GPR149: variants seen among roughly 807,000 people sequenced by gnomAD.
GPR149 encodes the protein probable G protein-coupled receptor 149.
GPR149 carries 50 observed loss-of-function variants against 50.2 expected under a neutral mutation model. That is an observed-to-expected ratio of 1.00 (90% confidence interval 0.79 to 1.26). GPR149 has a LOEUF of 1.26. Among genes scored for constraint, GPR149 ranks in the 50% most tolerant of loss-of-function variants. The pLI is 0.00. For synonymous variants in GPR149, 405 were observed against 358.2 expected, an observed-to-expected ratio of 1.13 and a Z score of -1.48; for missense variants, 983 against 895.4, an observed-to-expected ratio of 1.10 and a Z score of -1.25.
intron 3 of GPR149, among the ~76,000 whole-genome samples, chr3:154,376,019 C>T (rs1046367566): frequency 6.6e-6 from 1 of 152,216 alleles, no homozygotes; most frequent in African/African-American, 2.4e-5. Flanking sequence ...CTGAATTATA[C>T]CACTGGCTTT....
chr3:154,419,134 A>G (rs962043598), intron 3 of GPR149, among the ~76,000 whole-genome samples: 2 of 152,110 alleles, frequency 1.3e-5, no homozygotes, highest in African/African-American at 2.4e-5. Context: ...TTCCTGAAAG[A>G]CTTGATCATC....
Position 154,429,298 on chromosome 3 carries a change from G to C in GPR149, c.318C>G (p.Thr106=), listed in dbSNP as rs1712416423. 1 of 1,614,020 alleles carries C rather than the reference G, an allele frequency of 6.2e-7. No individual in the cohort carries two copies. The highest frequency in any genetic ancestry group is 2.2e-5 in the East Asian group (1 of 44,874). The change falls in exon 1 of 4, where the codon ACC becomes ACG. Residue 106 remains threonine, a synonymous_variant. Transcript: ENST00000389740. ...GGCATAAATACATTAAGGCAGAGGT[G>C]GTGCACAGAAATTGGAAGTAACCGG... ...EVPGYFQFLC[T]TSALMYLCQG... is the part of the protein sequence containing the mutation.
intron 3 of GPR149, among the ~76,000 whole-genome samples, chr3:154,414,122 G>T (rs1347354939): frequency 2.0e-5 from 3 of 151,864 alleles, no homozygotes; most frequent in East Asian, 1.9e-4. Flanking sequence ...AGGATGCAAA[G>T]GTGTAAGAAT....
In GPR149 at chr3:154,429,721, C is replaced by T; in HGVS notation, c.-106G>A. 1 of 979,448 alleles carries T rather than the reference C, an allele frequency of 1.0e-6. No homozygotes were observed. The highest frequency in any genetic ancestry group is 1.5e-6 in the Non-Finnish European group (1 of 648,422). 60.7% of individuals were successfully genotyped at this position (979,448 alleles called of 1,614,324 possible). On this transcript the variant is annotated 5_prime_UTR_variant, in exon 1 of 4. Coordinates refer to ENST00000389740, the MANE Select transcript of GPR149 (RefSeq NM_001038705.3). ...ATTTCATTCCTCCTACCAAGTTCCCCTCTAGATGTTCTCCTTGTCAGTCCT... is the reference window on the plus strand; with the variant it reads ...ATTTCATTCCTCCTACCAAGTTCCCTTCTAGATGTTCTCCTTGTCAGTCCT...
At chr3:154,428,404 GC>G (rs1257036627) in intron 1 of GPR149, among the ~76,000 whole-genome samples, 1 of 152,138 alleles carries the variant, frequency 6.6e-6, no homozygotes, top group African/African-American at 2.4e-5. Flanking sequence ...CGATCCCCAT[GC>G]CCCTGACTTT....
rs544874733 is a variant in GPR149 at position 154,341,431 on chromosome 3, G to A, written c.1624-3160C>T. Reference sequence around the variant, plus strand: ...AAAGAAGTAATCTAAAAAAATTAGAGAGTTTAGTAAGGTGGCTGAATTTTA... The same window carrying A: ...AAAGAAGTAATCTAAAAAAATTAGAAAGTTTAGTAAGGTGGCTGAATTTTA... On this transcript the variant is annotated intron_variant, in intron 3 of 3. Transcript: ENST00000389740. Among the ~76,000 whole-genome samples the A allele has an allele frequency of 2.7e-5, 4 of 148,504 alleles. No homozygotes were observed. The East Asian group carries it at 8.1e-4, about 30-fold the overall frequency.
intron 3 of GPR149, among the ~76,000 whole-genome samples, chr3:154,367,791 TG>T (rs1357459517): frequency 9.2e-5 from 14 of 152,084 alleles, no homozygotes; most frequent in Non-Finnish European, 1.5e-4. Context: ...CAAGAACCTT[TG>T]GAGTTACATT....
chr3:154,387,014 A>T (rs540421009), intron 3 of GPR149, among the ~76,000 whole-genome samples: 1 of 152,242 alleles, frequency 6.6e-6, no homozygotes, highest in East Asian at 1.9e-4. Context: ...AGAGAATCTC[A>T]GGATTATGCT....
intron 3 of GPR149, among the ~76,000 whole-genome samples, chr3:154,374,786 A>G (rs527620437): frequency 7.2e-5 from 11 of 152,126 alleles, no homozygotes; most frequent in Non-Finnish European, 1.6e-4. Flanking sequence ...TTCTGATACC[A>G]TCATTAGTGA....
chr3:154,381,119 C>A (rs1189264797), intron 3 of GPR149, among the ~76,000 whole-genome samples: 2 of 152,086 alleles, frequency 1.3e-5, no homozygotes, highest in Non-Finnish European at 2.9e-5. Context: ...TAAATAAAGC[C>A]TCCAAAAGGC....
At chr3:154,399,979 G>T (rs999493660) in intron 3 of GPR149, among the ~76,000 whole-genome samples, 10 of 152,024 alleles carry the variant, frequency 6.6e-5, no homozygotes, top group Admixed American at 4.6e-4. Flanking sequence ...AATTGTATTT[G>T]AAATTATTAT....
At chr3:154,391,744 A>G (rs1576918988) in intron 3 of GPR149, among the ~76,000 whole-genome samples, 3 of 151,844 alleles carry the variant, frequency 2.0e-5, no homozygotes, top group Admixed American at 2.0e-4. Context: ...TTAAGTTTAC[A>G]TAACTTATTA....
intron 3 of GPR149, among the ~76,000 whole-genome samples, chr3:154,385,595 C>T (rs1367054752): frequency 6.6e-6 from 1 of 152,010 alleles, no homozygotes; most frequent in Non-Finnish European, 1.5e-5. Context: ...TTTTATTATA[C>T]AATCACATCT....
intron 3 of GPR149, among the ~76,000 whole-genome samples, chr3:154,401,462 G>A (rs1711547862): frequency 1.3e-5 from 2 of 152,158 alleles, no homozygotes; most frequent in African/African-American, 4.8e-5. Context: ...CTCACAGAGA[G>A]TACAGGAAGC....
intron 3 of GPR149, among the ~76,000 whole-genome samples, chr3:154,404,907 T>C (rs947070038): frequency 6.6e-6 from 1 of 152,144 alleles, no homozygotes; most frequent in Non-Finnish European, 1.5e-5. Flanking sequence ...ATTATCTGCC[T>C]CACAAAGTAG....
intron 3 of GPR149, among the ~76,000 whole-genome samples, chr3:154,372,090 G>A (rs1230393850): frequency 6.6e-6 from 1 of 152,076 alleles, no homozygotes; most frequent in Non-Finnish European, 1.5e-5. Flanking sequence ...TAGCCAGAAC[G>A]ACTGCCGTCC....
At chr3:154,389,242 C>A (rs934548882) in intron 3 of GPR149, among the ~76,000 whole-genome samples, 1 of 152,106 alleles carries the variant, frequency 6.6e-6, no homozygotes, top group African/African-American at 2.4e-5. Context: ...AAAATACAAA[C>A]TAATTTACTT....
chr3:154,380,190 G>C (rs1207920073), intron 3 of GPR149, among the ~76,000 whole-genome samples: 1 of 151,666 alleles, frequency 6.6e-6, no homozygotes, highest in Non-Finnish European at 1.5e-5. Context: ...GAGAGAGAGA[G>C]AGAGAGAGAG....
chr3:154,351,313 C>CAAAAAAA lies in GPR149; in HGVS notation c.1624-13049_1624-13043dup, dbSNP rs71155003. Reference sequence around the variant, plus strand: ...GCTAGGGCAATTAGACATCCACATACAAAAAAAAAAAAAAAAAAAAAAAAA... The same window carrying CAAAAAAA: ...GCTAGGGCAATTAGACATCCACATACAAAAAAAAAAAAAAAAAAAAAAAAAAAAAAAA... On this transcript the variant is annotated intron_variant, in intron 3 of 3. Coordinates refer to ENST00000389740, the MANE Select transcript of GPR149 (RefSeq NM_001038705.3). Among the ~76,000 whole-genome samples the CAAAAAAA allele has an allele frequency of 4.2e-3, 316 of 75,560 alleles. 1 individual carries two copies. The highest frequency in any genetic ancestry group is 6.2e-3 in the Non-Finnish European group (262 of 41,972). The allele number at this position is 75,560 out of a possible 152,430, so 49.6% of individuals were successfully genotyped here.
Sources: allele counts gnomAD v4.1 joint callset (sites outside exome capture counted in the v4.1 genomes callset), GRCh38; gene constraint gnomAD v4.1.1; transcripts MANE v1.5; gene names NCBI Gene and HGNC (gene_info 2026-07-23, HGNC 2026-07-21).